ITSN1: variants seen among roughly 807,000 people sequenced by gnomAD.
ITSN1 encodes intersectin-1.
ITSN1 carries 58 observed loss-of-function variants against 239.8 expected under a neutral mutation model. The observed-to-expected ratio is 0.24, with a 90% CI of 0.20 to 0.30. ITSN1 has a LOEUF of 0.30. ITSN1 is among the 10% of genes least tolerant of loss of function. The pLI is 1.00. For synonymous variants in ITSN1, 780 were observed against 770.8 expected (o/e 1.01, Z -0.20); for missense variants, 1,558 against 2,103.3 (o/e 0.74, Z 5.07).
intron 1 of ITSN1, among the ~76,000 whole-genome samples, chr21:33,657,675 G>A (rs1601469235): frequency 6.6e-6 from 1 of 152,114 alleles, no homozygotes; most frequent in Non-Finnish European, 1.5e-5. Context: ...TAGGGGTGTT[G>A]GTCCCCAACA....
chr21:33,730,266 T>C (rs1439676400), intron 4 of ITSN1, among the ~76,000 whole-genome samples: 1 of 152,062 alleles, frequency 6.6e-6, no homozygotes, highest in Non-Finnish European at 1.5e-5. Flanking sequence ...TTTCCTGTTA[T>C]CCTTCATTTA....
intron 21 of ITSN1, among the ~76,000 whole-genome samples, chr21:33,813,234 G>A (rs2073034195): frequency 6.6e-6 from 1 of 152,038 alleles, no homozygotes; most frequent in Non-Finnish European, 1.5e-5. Flanking sequence ...AGGCTGGAGT[G>A]CAGTGGCGTG....
chr21:33,773,357 C>G (rs931569449), intron 12 of ITSN1, among the ~76,000 whole-genome samples: 35 of 152,086 alleles, frequency 2.3e-4, no homozygotes, highest in African/African-American at 8.2e-4. Flanking sequence ...GGGACATCCT[C>G]CCTATATTCT....
chr21:33,765,776 C>A, intron 9 of ITSN1, 99 bp from the exon 10 acceptor site: 1 of 1,256,086 alleles, frequency 8.0e-7, no homozygotes, highest in Non-Finnish European at 1.1e-6. Context: ...CTCAGTTGGC[C>A]TGTGGTCAAT....
intron 34 of ITSN1, among the ~76,000 whole-genome samples, chr21:33,881,738 TG>T (rs969267764): frequency 6.6e-6 from 1 of 152,150 alleles, no homozygotes; most frequent in African/African-American, 2.4e-5. Flanking sequence ...CCCAGTATTT[TG>T]GGAGCTTGAG....
At chr21:33,727,607 C>CAAAAAAA (rs201596116) in intron 4 of ITSN1, among the ~76,000 whole-genome samples, 1 of 69,756 alleles carries the variant, frequency 1.4e-5, no homozygotes, top group Non-Finnish European at 3.3e-5. Flanking sequence ...TAAACTCATA[C>CAAAAAAA]AAAAAAAAAA....
At chr21:33,688,104 G>T (rs896159396) in intron 1 of ITSN1, among the ~76,000 whole-genome samples, 1 of 151,252 alleles carries the variant, frequency 6.6e-6, no homozygotes, top group African/African-American at 2.4e-5. Context: ...TCTTGAAAAG[G>T]CATGTGTTTA....
In ITSN1 at chr21:33,736,128, A is replaced by G. The variant is rs980903085; in HGVS notation, c.346+924A>G. On this transcript the variant is annotated intron_variant, in intron 5 of 39. Transcript: ENST00000381318. ...TTCTAGACTTTAGGTTAATTTGAAGATCACAGTAATAAAATCTAACATCTG... is the reference window on the plus strand; with the variant it reads ...TTCTAGACTTTAGGTTAATTTGAAGGTCACAGTAATAAAATCTAACATCTG... Among the ~76,000 whole-genome samples, 26 of 152,234 alleles carry G rather than the reference A, an allele frequency of 1.7e-4. 1 individual carries two copies. Among genetic ancestry groups the G allele is most frequent in the Non-Finnish European group, 1.5e-5 (1 of 68,046 alleles).
intron 1 of ITSN1, among the ~76,000 whole-genome samples, chr21:33,681,701 C>T (rs1057361240): frequency 6.6e-6 from 1 of 150,748 alleles, no homozygotes; most frequent in South Asian, 2.1e-4. Context: ...GACGGAGTCT[C>T]GCTCTGTCGC....
intron 11 of ITSN1, among the ~76,000 whole-genome samples, chr21:33,770,271 C>T (rs1415831225): frequency 1.3e-5 from 2 of 152,100 alleles, no homozygotes; most frequent in East Asian, 3.9e-4. Flanking sequence ...CCATGTTGGT[C>T]AGGCTGGTCT....
intron 20 of ITSN1, among the ~76,000 whole-genome samples, chr21:33,808,164 C>G (rs1226351886): frequency 6.7e-6 from 1 of 150,358 alleles, no homozygotes; most frequent in Non-Finnish European, 1.5e-5. Flanking sequence ...TCCGCAGTCC[C>G]ACCTGGGCGA....
intron 37 of ITSN1, 93 bp from the exon 38 acceptor site, chr21:33,885,346 G>A: frequency 2.4e-6 from 3 of 1,236,866 alleles, no homozygotes; most frequent in South Asian, 1.2e-5. Context: ...TTTGAGTCGG[G>A]AGAGGTACAT....
At chr21:33,662,840 T>C (rs896763940) in intron 1 of ITSN1, among the ~76,000 whole-genome samples, 4 of 152,208 alleles carry the variant, frequency 2.6e-5, no homozygotes, top group African/African-American at 9.6e-5. Context: ...CTTTCACATA[T>C]GCCATCTAAA....
chr21:33,704,923 T>TA (rs55966725), intron 1 of ITSN1, among the ~76,000 whole-genome samples: 2,049 of 93,652 alleles, frequency 0.022, 39 homozygotes, highest in South Asian at 0.052. Context: ...CCATCTCTAC[T>TA]AAAAAAAAAA....
chr21:33,879,077 G>A (rs1013204908), intron 34 of ITSN1, among the ~76,000 whole-genome samples: 19 of 152,326 alleles, frequency 1.2e-4, no homozygotes, highest in Admixed American at 8.5e-4. Flanking sequence ...GCCAAGCACC[G>A]TGTCTCAGGC....
At chr21:33,679,908 C>T (rs2090839392) in intron 1 of ITSN1, among the ~76,000 whole-genome samples, 1 of 152,050 alleles carries the variant, frequency 6.6e-6, no homozygotes, top group African/African-American at 2.4e-5. Flanking sequence ...CCGTGTTAGC[C>T]AGGATGGTCT....
intron 4 of ITSN1, among the ~76,000 whole-genome samples, chr21:33,730,926 C>T (rs192702955): frequency 6.6e-6 from 1 of 151,492 alleles, no homozygotes; most frequent in Non-Finnish European, 1.5e-5. Flanking sequence ...GAACTCCTGA[C>T]CTCAGGTGAT....
intron 30 of ITSN1, 32 bp downstream of exon 30, chr21:33,856,889 AG>A (rs1484228133): frequency 1.7e-5 from 26 of 1,499,220 alleles, no homozygotes; most frequent in Non-Finnish European, 2.4e-5. Flanking sequence ...GGGGCACGGC[AG>A]GGGGCGATGA....
At chr21:33,673,543 G>GCC (rs1568904190) in intron 1 of ITSN1, among the ~76,000 whole-genome samples, 5 of 152,180 alleles carry the variant, frequency 3.3e-5, no homozygotes, top group African/African-American at 7.2e-5. Context: ...AGGACAGAGC[G>GCC]TGGACTTGCG....
Sources: gnomAD v4.1 joint callset for allele counts (sites outside exome capture counted in the v4.1 genomes callset) on GRCh38, gnomAD v4.1.1 for gene constraint, MANE v1.5 for transcripts, NCBI Gene and HGNC (gene_info 2026-07-23, HGNC 2026-07-21) for gene names.